The following MED22 variants were observed in gnomAD, a reference collection of about 807,000 sequenced individuals.
MED22 encodes mediator complex subunit 22.
In MED22, 22 loss-of-function variants were observed where a neutral mutation model predicts 22.7. That is an observed-to-expected ratio of 0.97 (90% CI 0.69 to 1.38). The LOEUF is 1.38. Among genes scored for constraint, MED22 ranks in the 40% most tolerant of loss-of-function variants. The probability of loss-of-function intolerance (pLI) is 0.00; values close to 1 mark genes in which losing one functional copy is unlikely to be tolerated. For synonymous variants in MED22, 134 were observed against 119.4 expected (o/e 1.12, Z -0.80); for missense variants, 247 against 263.0 (o/e 0.94, Z 0.42).
rs1428064574 is a variant in MED22, at chr9:133,338,807, GACC to G, written c.*2695_*2697del. On this transcript the variant is annotated 3_prime_UTR_variant, in exon 5 of 5. Coordinates refer to ENST00000343730, the MANE Select transcript of MED22 (RefSeq NM_133640.5). ...TGCCCAGGCTGGTCTCAAAACTTCT[GACC>G]ACAAGTGATCCACCCGCTTTGGCTT... 67 of 375,574 alleles carry G rather than the reference GACC, an allele frequency of 1.8e-4. No homozygotes were observed. In the Admixed American group the frequency reaches 2.4e-3, roughly 13 times the overall value. 23.3% of individuals were successfully genotyped at this position (375,574 alleles called of 1,614,324 possible).
chr9:133,343,525 T>C (rs1055628400), intron 4 of MED22: 1 of 1,237,166 alleles, frequency 8.1e-7, no homozygotes. Context: ...GCCTGGCACG[T>C]AGGTTGGCTC....
In MED22 at chr9:133,348,126, A is replaced by G. The variant is rs1426868203; in HGVS notation, c.-243T>C. On this transcript the variant is annotated 5_prime_UTR_variant, in exon 1 of 5. Coordinates refer to ENST00000343730, the MANE Select transcript of MED22 (RefSeq NM_133640.5). ...GCCCCGCCTCGATTTTTAGCTTTAT[A>G]GGAATGCTGTTGCTTTAAATCCGAA... is the stretch of plus-strand genomic sequence containing the variant. 1.6e-5 allele frequency: 23 copies of G among 1,422,468 alleles called. No individual in the cohort carries two copies. Among genetic ancestry groups the G allele is most frequent in the Non-Finnish European group, 1.7e-5 (17 of 1,007,812 alleles). The allele number at this position is 1,422,468 out of a possible 1,614,324, so 88.1% of individuals were successfully genotyped here.
chr9:133,345,264 C>T lies in MED22; in HGVS notation c.124-12G>A. 1 of 1,613,664 alleles carries T rather than the reference C, an allele frequency of 6.2e-7. No individual in the cohort carries two copies. Among genetic ancestry groups the T allele is most frequent in the East Asian group, 2.2e-5 (1 of 44,866 alleles). On this transcript the variant is annotated splice_polypyrimidine_tract_variant and intron_variant, in intron 2 of 4. Coordinates refer to ENST00000343730, the MANE Select transcript of MED22 (RefSeq NM_133640.5). ...GTCTCGTCCTCAATCTGGGGGAAAA[C>T]AAGAAAACCTAGAAATCAACCCAGC... is the stretch of plus-strand genomic sequence containing the variant.
At chr9:133,345,953 AC>A (rs1564341018) in intron 2 of MED22, among the ~76,000 whole-genome samples, 1 of 152,222 alleles carries the variant, frequency 6.6e-6, no homozygotes, top group East Asian at 1.9e-4. Flanking sequence ...AATGAAGAGG[AC>A]AACAGTGCCC....
chr9:133,340,440 G>GGTGCTCCCCTACA lies in MED22; in HGVS notation c.*1064_*1065insTGTAGGGGAGCAC, dbSNP rs1835974637. On this transcript the variant is annotated 3_prime_UTR_variant, in exon 5 of 5. Transcript: ENST00000343730. ...GATGGTGCTGGAGGAACTGGGGTGG[G>GGTGCTCCCCTACA]GTGCTCCCCCACACTTCCTGTGGAC... The GGTGCTCCCCTACA allele has an allele frequency of 1.2e-5, 1 of 85,498 alleles. No individual in the cohort carries two copies. Among genetic ancestry groups the GGTGCTCCCCTACA allele is most frequent in the Non-Finnish European group, 2.4e-5 (1 of 41,358 alleles). The allele number at this position is 85,498 out of a possible 1,614,324, so 5.3% of individuals were successfully genotyped here. A position where few individuals can be genotyped will look rare whatever the true frequency, so the allele number is the denominator to read the frequency against.
At chr9:133,346,382 C>T (rs1836179619) in intron 2 of MED22, 158 bp downstream of exon 2, 17 of 826,108 alleles carry the variant, frequency 2.1e-5, no homozygotes, top group Non-Finnish European at 2.7e-5. Flanking sequence ...AAGGGCTGGA[C>T]GTGCCATTAT....
rs115488004 is a variant in MED22 at position 133,346,441 on chromosome 9, G to T, written c.123+99C>A. The T allele has an allele frequency of 4.9e-4, 727 of 1,491,024 alleles. 7 individuals are homozygous for T. The African/African-American group carries it at 8.4e-3, about 17-fold the overall frequency. The allele number at this position is 1,491,024 out of a possible 1,614,324, so 92.4% of individuals were successfully genotyped here. A position where few individuals can be genotyped will look rare whatever the true frequency, so the allele number is the denominator to read the frequency against. ...GCTCCCTGTGCACTGGGTGCTTCCTGCCTAGAACACTATTCACTCGCGCTG... is the reference window on the plus strand; with the variant it reads ...GCTCCCTGTGCACTGGGTGCTTCCTTCCTAGAACACTATTCACTCGCGCTG... On this transcript the variant is annotated intron_variant, in intron 2 of 4. Transcript: ENST00000343730.
chr9:133,346,376 G>T, intron 2 of MED22, 164 bp downstream of exon 2: 1 of 791,494 alleles, frequency 1.3e-6, no homozygotes, highest in Non-Finnish European at 2.0e-6. Context: ...GTTAGTAAGG[G>T]CTGGACGTGC....
rs1247099138 is a variant in MED22 at position 133,339,309 on chromosome 9, G to A, written c.*2196C>T. 25 of 705,828 alleles carry A rather than the reference G, an allele frequency of 3.5e-5. No individual in the cohort carries two copies. The highest frequency in any genetic ancestry group is 3.4e-4 in the Middle Eastern group (1 of 2,936). The allele number at this position is 705,828 out of a possible 1,614,324, so 43.7% of individuals were successfully genotyped here. A position where few individuals can be genotyped will look rare whatever the true frequency, so the allele number is the denominator to read the frequency against. On this transcript the variant is annotated 3_prime_UTR_variant, in exon 5 of 5. Coordinates refer to ENST00000343730, the MANE Select transcript of MED22 (RefSeq NM_133640.5). ...GAGCCGAGAGAGCTTCCTGAAACGC[G>A]TGAAGGAAAATGATCAGAAAAAGAG...
In MED22 at chr9:133,341,400, T is replaced by A; in HGVS notation, c.*105A>T. On this transcript the variant is annotated 3_prime_UTR_variant, in exon 5 of 5. Transcript: ENST00000343730. The stretch of plus-strand genomic sequence containing the variant: ...GGAAGTCCTAGTGGCTCTGGGGTCC[T>A]GAAGTCCCCAAATGGGAACCTAGGC... The A allele has an allele frequency of 7.8e-7, 1 of 1,287,234 alleles. No individual in the cohort carries two copies. Among genetic ancestry groups the A allele is most frequent in the Non-Finnish European group, 1.0e-6 (1 of 984,902 alleles). The allele number at this position is 1,287,234 out of a possible 1,614,324, so 79.7% of individuals were successfully genotyped here.
chr9:133,343,021 A>G, intron 4 of MED22: 1 of 986,638 alleles, frequency 1.0e-6, no homozygotes, highest in Non-Finnish European at 1.2e-6. Flanking sequence ...GACCCCTCTC[A>G]GCCACCCTAG....
intron 4 of MED22, chr9:133,342,699 G>A (rs931508698): frequency 4.1e-6 from 4 of 985,814 alleles, no homozygotes; most frequent in Admixed American, 6.1e-5. Flanking sequence ...GCCCCCCAGG[G>A]GGCGCTGGTG....
chr9:133,345,057 C>A (rs763414432), intron 3 of MED22, 115 bp downstream of exon 3: 3 of 1,003,780 alleles, frequency 3.0e-6, no homozygotes, highest in Non-Finnish European at 4.5e-6. Flanking sequence ...CCTTCTGCTC[C>A]TTCTCGGGGG....
rs2129968313 is a variant in MED22 at position 133,346,487 on chromosome 9, GTC to G, written c.123+51_123+52del. ...CGCTGCTCAGCCCCTGGCCTCTCCT[GTC>G]TCCACCCCTTCTCAGACTCTGCTCC... On this transcript the variant is annotated intron_variant, in intron 2 of 4. Coordinates refer to ENST00000343730, the MANE Select transcript of MED22 (RefSeq NM_133640.5). The G allele has an allele frequency of 1.0e-5, 16 of 1,606,160 alleles. No individual in the cohort carries two copies. The African/African-American group carries it at 2.0e-4, about 20-fold the overall frequency.
intron 2 of MED22, 91 bp downstream of exon 2, chr9:133,346,449 C>A: frequency 6.6e-7 from 1 of 1,526,134 alleles, no homozygotes. Context: ...CTGCCTAGAA[C>A]ACTATTCACT....
At chr9:133,344,002 C>T in intron 4 of MED22, 123 bp downstream of exon 4, 1 of 1,508,476 alleles carries the variant, frequency 6.6e-7, no homozygotes. Context: ...GCTCTGAAAC[C>T]CAGGCATGGC....
Position 133,340,994 on chromosome 9 carries a change from A to G in MED22, c.*511T>C, listed in dbSNP as rs1390353332. 1 of 153,524 alleles carries G rather than the reference A, an allele frequency of 6.5e-6. No homozygotes were observed. Among genetic ancestry groups the G allele is most frequent in the Non-Finnish European group, 1.5e-5 (1 of 68,890 alleles). 9.5% of individuals were successfully genotyped at this position (153,524 alleles called of 1,614,324 possible). ...CCTAGCTTCCACATGCGTGGGCAGC[A>G]GCTGTCACACGGGCCTGTCGTGGCA... On this transcript the variant is annotated 3_prime_UTR_variant, in exon 5 of 5. Transcript: ENST00000343730.
intron 3 of MED22, among the ~76,000 whole-genome samples, chr9:133,344,577 G>A (rs1409083672): frequency 6.6e-6 from 1 of 152,154 alleles, no homozygotes; most frequent in Non-Finnish European, 1.5e-5. Flanking sequence ...CTGCAGGACT[G>A]GCCTCCAGTC....
chr9:133,344,810 C>T (rs1339782269), intron 3 of MED22, among the ~76,000 whole-genome samples: 3 of 152,196 alleles, frequency 2.0e-5, no homozygotes, highest in African/African-American at 7.2e-5. Flanking sequence ...ATGGCGCCTA[C>T]AGTTCCATTC....
Sources: allele counts gnomAD v4.1 joint callset (sites outside exome capture counted in the v4.1 genomes callset), GRCh38; gene constraint gnomAD v4.1.1; transcripts MANE v1.5; gene names NCBI Gene and HGNC (gene_info 2026-07-23, HGNC 2026-07-21).